The following MBD5 variants were observed in gnomAD, a reference collection of about 807,000 sequenced individuals.
MBD5 encodes the protein methyl-CpG binding domain protein 5, also known as methyl-CpG-binding domain protein 5.
In MBD5, 13 loss-of-function variants were observed where a neutral mutation model predicts 117.3. The observed-to-expected ratio is 0.11, with a 90% CI of 0.07 to 0.18. The LOEUF (loss-of-function observed/expected upper bound fraction) is 0.18. MBD5 is among the 10% of genes least tolerant of loss of function. The pLI, the probability that MBD5 is intolerant of heterozygous loss-of-function variation, is 1.00. For synonymous variants in MBD5, 727 were observed against 766.4 expected, an observed-to-expected ratio of 0.95 and a Z score of 0.85; for missense variants, 1,879 against 2,093.8, an observed-to-expected ratio of 0.90 and a Z score of 2.00.
intron 1 of MBD5, among the ~76,000 whole-genome samples, chr2:148,045,723 A>G (rs1694505815): frequency 1.3e-5 from 2 of 152,194 alleles, no homozygotes; most frequent in South Asian, 4.1e-4. Flanking sequence ...TTGCTCCAAG[A>G]TAAAAGGCAG....
At position 148,470,394 on chromosome 2, in the gene MBD5, A is replaced by T; in HGVS notation, c.2451A>T (p.Ser817=). Residue 817 remains serine (S), a synonymous_variant, in exon 8 of 14, where the codon TCA becomes TCT. Coordinates refer to ENST00000642680, the MANE Select transcript of MBD5 (RefSeq NM_001378120.1). Reference sequence around the variant, plus strand: ...CCAATCCACCTCAGTCAAGAATTTCAACGTCCTCCACTCCAGTGATACCAA... The same window carrying T: ...CCAATCCACCTCAGTCAAGAATTTCTACGTCCTCCACTCCAGTGATACCAA... The part of the protein sequence containing the change: ...LHPNPPQSRI[S]TSSTPVIPNS... 1 of 1,613,516 alleles carries T rather than the reference A, an allele frequency of 6.2e-7. No individual in the cohort carries two copies. Among genetic ancestry groups the T allele is most frequent in the Non-Finnish European group, 8.5e-7 (1 of 1,179,612 alleles).
chr2:148,073,934 T>C (rs1294502142), intron 1 of MBD5, among the ~76,000 whole-genome samples: 4 of 152,220 alleles, frequency 2.6e-5, no homozygotes, highest in Non-Finnish European at 5.9e-5. Flanking sequence ...CATGTATAGC[T>C]TGATACTGTT....
chr2:148,499,870 AC>A (rs1681819407), intron 11 of MBD5, among the ~76,000 whole-genome samples: 1 of 152,166 alleles, frequency 6.6e-6, no homozygotes. Context: ...CCCAGAAAAA[AC>A]ACACACTCTT....
At position 148,195,224 on chromosome 2, in the gene MBD5, T is replaced by C. The variant is rs188386571; in HGVS notation, c.-831+16431T>C. Among the ~76,000 whole-genome samples, 57 of 152,280 alleles carry C rather than the reference T, an allele frequency of 3.7e-4. No individual in the cohort carries two copies. The East Asian group carries it at 7.9e-3, about 21-fold the overall frequency. On this transcript the variant is annotated intron_variant, in intron 2 of 13. Transcript: ENST00000642680. The stretch of plus-strand genomic sequence containing the variant: ...GTTAAAAGTTAAAGGATGTGTTAAA[T>C]ATACCATGCAAACACTAATAATCAG...
At chr2:148,205,067 G>A (rs1699243992) in intron 2 of MBD5, among the ~76,000 whole-genome samples, 1 of 151,390 alleles carries the variant, frequency 6.6e-6, no homozygotes, top group Admixed American at 6.6e-5. Flanking sequence ...CTTTACAATT[G>A]TCTTATTATT....
chr2:148,324,748 G>T (rs1186891123), intron 3 of MBD5, among the ~76,000 whole-genome samples: 1 of 152,174 alleles, frequency 6.6e-6, no homozygotes, highest in East Asian at 1.9e-4. Flanking sequence ...AGACAAGGGG[G>T]TTGTCTAGAT....
At chr2:148,450,295 CCAGT>C (rs1224980260) in intron 4 of MBD5, among the ~76,000 whole-genome samples, 1 of 152,262 alleles carries the variant, frequency 6.6e-6, no homozygotes, top group East Asian at 1.9e-4. Context: ...GGGTTCAAAC[CCAGT>C]CAGCTTCTAG....
chr2:148,252,716 A>AT (rs1239568223), intron 3 of MBD5, among the ~76,000 whole-genome samples: 5 of 151,954 alleles, frequency 3.3e-5, no homozygotes, highest in Admixed American at 1.3e-4. Flanking sequence ...TGCCCAGCTA[A>AT]TTTTTGTATT....
At chr2:148,230,443 A>G (rs1699955840) in intron 2 of MBD5, among the ~76,000 whole-genome samples, 1 of 152,088 alleles carries the variant, frequency 6.6e-6, no homozygotes, top group Admixed American at 6.5e-5. Context: ...CCTTCAGGGC[A>G]GCAGGCTGTC....
At chr2:148,500,322 GACT>G (rs1201239728) in intron 11 of MBD5, among the ~76,000 whole-genome samples, 1 of 151,844 alleles carries the variant, frequency 6.6e-6, no homozygotes, top group Non-Finnish European at 1.5e-5. Context: ...TATATAAAAT[GACT>G]ACATTTCAAT....
intron 1 of MBD5, among the ~76,000 whole-genome samples, chr2:148,134,401 A>G (rs537252325): frequency 4.5e-4 from 69 of 152,308 alleles, no homozygotes; most frequent in African/African-American, 1.5e-3. Flanking sequence ...TTTTTAACCC[A>G]ATCTGAAATT....
chr2:148,492,866 G>T (rs1168737600), intron 11 of MBD5, among the ~76,000 whole-genome samples: 1 of 151,986 alleles, frequency 6.6e-6, no homozygotes, highest in East Asian at 1.9e-4. Flanking sequence ...AAGACAAAAC[G>T]TGATGTATTT....
rs1253218251 is a variant in MBD5 at position 148,206,132 on chromosome 2, A to G, written c.-830-27113A>G. ...GAGTGAGACCCTGTCTCAAAAAAAA[A>G]AAAAATAGAGAGACACACACACACT... On this transcript the variant is annotated intron_variant, in intron 2 of 13. Transcript: ENST00000642680. Among the ~76,000 whole-genome samples the G allele has an allele frequency of 2.0e-5, 3 of 151,976 alleles. No homozygotes were observed. In the East Asian group the frequency reaches 5.8e-4, roughly 29 times the overall value.
chr2:148,224,850 A>G (rs544083012), intron 2 of MBD5, among the ~76,000 whole-genome samples: 32 of 152,118 alleles, frequency 2.1e-4, no homozygotes, highest in African/African-American at 7.7e-4. Flanking sequence ...TTTGACTATA[A>G]ATCTATTTTG....
rs540731096 is a variant in MBD5, at chr2:148,359,315, T to C, written c.-557+16979T>C. The stretch of plus-strand genomic sequence containing the variant: ...GTGTTTTATTTTCAGTTAACAGCAA[T>C]AAGGATCAAAATGCTATTTCATAGG... On this transcript the variant is annotated intron_variant, in intron 4 of 13. Transcript: ENST00000642680. Among the ~76,000 whole-genome samples the C allele has an allele frequency of 3.3e-5, 5 of 150,860 alleles. No individual in the cohort carries two copies. In the East Asian group the frequency reaches 9.7e-4, roughly 29 times the overall value.
chr2:148,223,346 T>A (rs1346272090), intron 2 of MBD5, among the ~76,000 whole-genome samples: 2 of 152,154 alleles, frequency 1.3e-5, no homozygotes, highest in African/African-American at 4.8e-5. Context: ...TGGTATTCAT[T>A]TTTTAAATAT....
At chr2:148,054,241 C>A (rs1376183400) in intron 1 of MBD5, 2 of 152,140 alleles carry the variant, frequency 1.3e-5, no homozygotes. Context: ...TGTATAAATT[C>A]TCTTAGTTCA....
intron 3 of MBD5, among the ~76,000 whole-genome samples, chr2:148,261,726 C>T (rs1208621192): frequency 6.6e-6 from 1 of 152,220 alleles, no homozygotes; most frequent in Non-Finnish European, 1.5e-5. Context: ...TTTTCCTTTA[C>T]ATTCACAACT....
intron 12 of MBD5, 94 bp from the exon 13 acceptor site, chr2:148,509,966 G>A (rs1360748974): frequency 1.0e-5 from 10 of 982,120 alleles, no homozygotes; most frequent in African/African-American, 3.2e-5. Context: ...GCTTTCTCTC[G>A]TGGAATTGGT....
Sources: gnomAD v4.1 joint callset for allele counts (sites outside exome capture counted in the v4.1 genomes callset) on GRCh38, gnomAD v4.1.1 for gene constraint, MANE v1.5 for transcripts, NCBI Gene and HGNC (gene_info 2026-07-23, HGNC 2026-07-21) for gene names.